The following PSD3 variants were observed in gnomAD, a reference collection of about 807,000 sequenced individuals.
PSD3 encodes the protein pleckstrin and Sec7 domain containing 3, also known as PH and SEC7 domain-containing protein 3.
A neutral mutation model predicts 105.5 loss-of-function variants in PSD3; 49 were observed. The observed-to-expected ratio is 0.46, with a 90% CI of 0.37 to 0.59. PSD3 has a LOEUF of 0.59. Ranked by LOEUF, PSD3 falls within the 20% of genes least tolerant of loss-of-function variation. The probability of loss-of-function intolerance (pLI) is 0.00; values close to 1 mark genes in which losing one functional copy is unlikely to be tolerated. For missense variants in PSD3, 1,561 were observed against 1,263.8 expected, an observed-to-expected ratio of 1.24 and a Z score of -3.57; for synonymous variants, 557 against 457.8, an observed-to-expected ratio of 1.22 and a Z score of -2.77.
At position 18,871,788 on chromosome 8, in the gene PSD3, T is replaced by G. The variant is rs752002050; in HGVS notation, c.1076A>C (p.Asn359Thr). 1.2e-6 allele frequency: 2 copies of G among 1,614,186 alleles called. No homozygotes were observed. The highest frequency in any genetic ancestry group is 1.7e-6 in the Non-Finnish European group (2 of 1,180,030). The change falls in exon 3 of 16, where the codon AAT becomes ACT. Residue 359 changes from asparagine (N) to threonine (T), a missense_variant. Coordinates refer to ENST00000327040, the MANE Select transcript of PSD3 (RefSeq NM_015310.4). ...GLCNSSSLTE[N>T]VWDESWKAPS... is the part of the protein sequence containing the mutation. ...AGCTTTCCAGGATTCATCCCAAACA[T>G]TCTCAGTTAAACTACTTGAATTACA...
intron 3 of PSD3, among the ~76,000 whole-genome samples, chr8:18,869,979 G>T (rs1167742604): frequency 6.6e-6 from 1 of 152,138 alleles, no homozygotes; most frequent in Non-Finnish European, 1.5e-5. Context: ...AAAGAGGAAT[G>T]AATTATTAAT....
intron 9 of PSD3, among the ~76,000 whole-genome samples, chr8:18,722,383 G>C (rs1434282179): frequency 6.6e-6 from 1 of 152,086 alleles, no homozygotes; most frequent in African/African-American, 2.4e-5. Context: ...AAATATCCAT[G>C]TTCTTATATG....
At chr8:18,558,327 C>T (rs1801200037) in intron 14 of PSD3, among the ~76,000 whole-genome samples, 1 of 152,072 alleles carries the variant, frequency 6.6e-6, no homozygotes, top group South Asian at 2.1e-4. Context: ...AAAATAAAAG[C>T]ATGATGTATT....
chr8:19,071,500 T>C (rs35210104), intron 1 of PSD3, among the ~76,000 whole-genome samples: 42,283 of 151,852 alleles, frequency 0.28, 6,218 homozygotes, highest in South Asian at 0.36. Flanking sequence ...ATGTTCTGGG[T>C]AGAAGAAGAG....
At chr8:18,560,095 C>T (rs1387740086) in intron 14 of PSD3, among the ~76,000 whole-genome samples, 35 of 151,752 alleles carry the variant, frequency 2.3e-4, no homozygotes, top group Admixed American at 2.3e-3. Flanking sequence ...AATAGAAATG[C>T]CAAGTGGCTC....
At chr8:18,813,751 T>A (rs968921690) in intron 4 of PSD3, among the ~76,000 whole-genome samples, 2 of 152,180 alleles carry the variant, frequency 1.3e-5, no homozygotes, top group Admixed American at 6.5e-5. Context: ...AAGGTCATCA[T>A]TGTCTGTAAC....
At chr8:18,726,244 A>G (rs1453618016) in intron 9 of PSD3, among the ~76,000 whole-genome samples, 1 of 152,238 alleles carries the variant, frequency 6.6e-6, no homozygotes, top group Non-Finnish European at 1.5e-5. Flanking sequence ...ACCAGCCTAC[A>G]CTGACATCGA....
At chr8:18,642,590 A>G (rs1289056224) in intron 10 of PSD3, among the ~76,000 whole-genome samples, 2 of 152,168 alleles carry the variant, frequency 1.3e-5, no homozygotes, top group Non-Finnish European at 2.9e-5. Context: ...CTCCTCAGTG[A>G]TTCTAAAAAT....
chr8:18,683,107 G>A (rs926780075), intron 9 of PSD3, among the ~76,000 whole-genome samples: 42 of 152,150 alleles, frequency 2.8e-4, no homozygotes, highest in African/African-American at 2.4e-5. Context: ...ACTTCACTAC[G>A]TAATCACTCC....
chr8:19,043,570 GA>G (rs1828205403), intron 1 of PSD3, among the ~76,000 whole-genome samples: 2 of 152,152 alleles, frequency 1.3e-5, no homozygotes, highest in South Asian at 4.1e-4. Flanking sequence ...TCTATGGTTT[GA>G]GCGTTTGTCC....
At chr8:18,966,644 G>A (rs572342073) in intron 1 of PSD3, among the ~76,000 whole-genome samples, 14 of 151,516 alleles carry the variant, frequency 9.2e-5, no homozygotes, top group Admixed American at 8.6e-4. Context: ...CTGGCTTCCA[G>A]TTATGCCCTA....
At chr8:19,000,297 T>TGAG (rs1298060862) in intron 1 of PSD3, among the ~76,000 whole-genome samples, 4 of 150,320 alleles carry the variant, frequency 2.7e-5, no homozygotes, top group Non-Finnish European at 5.9e-5. Context: ...CTTGGGAGGC[T>TGAG]GAGGTGGGAG....
Position 18,559,714 on chromosome 8 carries a change from C to A in PSD3, c.2785-3362G>T, listed in dbSNP as rs1320305023. Among the ~76,000 whole-genome samples the A allele has an allele frequency of 3.9e-5, 6 of 152,256 alleles. No individual in the cohort carries two copies. The East Asian group carries it at 5.8e-4, about 15-fold the overall frequency. On this transcript the variant is annotated intron_variant, in intron 14 of 15. Transcript: ENST00000327040. The stretch of plus-strand genomic sequence containing the variant: ...AAGCTTTAGATTTAGGCTTTCCAAT[C>A]TTGAATATTCAAATGTCTCTTTTTC...
At chr8:18,568,647 T>C (rs1801944268) in intron 14 of PSD3, among the ~76,000 whole-genome samples, 1 of 152,208 alleles carries the variant, frequency 6.6e-6, no homozygotes, top group East Asian at 1.9e-4. Flanking sequence ...ATCTCTCCTC[T>C]GGATTACTGA....
chr8:18,548,780 T>C (rs1027484600), intron 15 of PSD3, among the ~76,000 whole-genome samples: 1 of 152,100 alleles, frequency 6.6e-6, no homozygotes, highest in Non-Finnish European at 1.5e-5. Flanking sequence ...GTGAGGTGCA[T>C]GGAGCATTTG....
intron 9 of PSD3, among the ~76,000 whole-genome samples, chr8:18,761,179 G>A (rs1209049543): frequency 6.6e-6 from 1 of 152,138 alleles, no homozygotes; most frequent in Non-Finnish European, 1.5e-5. Context: ...CTGTTAACAA[G>A]GTAAAAAGGT....
At chr8:18,912,224 C>T (rs947778321) in intron 2 of PSD3, among the ~76,000 whole-genome samples, 3 of 152,124 alleles carry the variant, frequency 2.0e-5, no homozygotes, top group Non-Finnish European at 4.4e-5. Flanking sequence ...ATTTGTACAC[C>T]ACTGGGATTT....
intron 1 of PSD3, among the ~76,000 whole-genome samples, chr8:19,045,826 C>T (rs1828298723): frequency 6.6e-6 from 1 of 152,178 alleles, no homozygotes; most frequent in East Asian, 1.9e-4. Flanking sequence ...GCTTTATAAA[C>T]ATTCTCATTA....
chr8:19,013,983 G>C (rs1363316974), upstream of PSD3: 2 of 152,004 alleles, frequency 1.3e-5, no homozygotes, highest in East Asian at 2.0e-4. Context: ...TGCAGCCCTC[G>C]AGCGGCCCGG....
Sources: gnomAD v4.1 joint callset for allele counts (sites outside exome capture counted in the v4.1 genomes callset) on GRCh38, gnomAD v4.1.1 for gene constraint, MANE v1.5 for transcripts, NCBI Gene and HGNC (gene_info 2026-07-23, HGNC 2026-07-21) for gene names.